The following WWOX variants were observed in gnomAD, a reference collection of about 807,000 sequenced individuals.
The protein encoded by WWOX is WW domain containing oxidoreductase, also known as WW domain-containing oxidoreductase.
A neutral mutation model predicts 46.2 loss-of-function variants in WWOX; 69 were observed. The ratio of observed to expected loss-of-function variants is 1.49; its 90% CI spans 1.23 to 1.82. The LOEUF is 1.82. WWOX is among the 40% of genes most tolerant of loss of function. The probability of loss-of-function intolerance (pLI) is 0.00; values close to 1 mark genes in which losing one functional copy is unlikely to be tolerated. For missense variants in WWOX, 919 were observed against 542.6 expected (o/e 1.69, Z -6.89); for synonymous variants, 359 against 202.6 (o/e 1.77, Z -6.56).
intron 8 of WWOX, among the ~76,000 whole-genome samples, chr16:78,766,444 C>T (rs1039715101): frequency 6.6e-6 from 1 of 152,104 alleles, no homozygotes; most frequent in Non-Finnish European, 1.5e-5. Flanking sequence ...AAAATTTAGC[C>T]GGCTGTCGTG....
chr16:78,296,013 A>G (rs1005578655), intron 5 of WWOX, among the ~76,000 whole-genome samples: 1 of 152,248 alleles, frequency 6.6e-6, no homozygotes, highest in Non-Finnish European at 1.5e-5. Flanking sequence ...GGTCATCACT[A>G]GGGTAGAATC....
intron 4 of WWOX, among the ~76,000 whole-genome samples, chr16:78,132,117 C>G (rs528265049): frequency 6.6e-6 from 1 of 151,234 alleles, no homozygotes; most frequent in East Asian, 2.0e-4. Flanking sequence ...CTCCACCTCC[C>G]GGGTTCACGC....
At chr16:79,016,224 A>T (rs758308685) in intron 8 of WWOX, 1 of 152,148 alleles carries the variant, frequency 6.6e-6, no homozygotes, top group African/African-American at 2.4e-5. Context: ...TTGTACCCCA[A>T]TGAGTACAAT....
chr16:78,362,944 T>C (rs1005098010), intron 5 of WWOX, among the ~76,000 whole-genome samples: 3 of 152,214 alleles, frequency 2.0e-5, no homozygotes, highest in Non-Finnish European at 1.5e-5. Flanking sequence ...CATGGGACAG[T>C]GTCCAGAGGA....
intron 4 of WWOX, among the ~76,000 whole-genome samples, chr16:78,137,802 G>GT (rs145722523): frequency 0.023 from 3,218 of 137,168 alleles, 243 homozygotes; most frequent in African/African-American, 0.083. Context: ...GATAATAAAA[G>GT]TTTTTTGCAA....
intron 4 of WWOX, chr16:78,123,442 T>TTTTTG (rs2033206585): frequency 4.1e-5 from 2 of 48,886 alleles, no homozygotes. Context: ...TTTGTTTTGT[T>TTTTTG]TTTTTTTTTT....
At chr16:78,615,625 C>G (rs1477162815) in intron 8 of WWOX, among the ~76,000 whole-genome samples, 1 of 151,902 alleles carries the variant, frequency 6.6e-6, no homozygotes, top group Non-Finnish European at 1.5e-5. Context: ...CACTGTATTC[C>G]AGTCTGGGCA....
intron 8 of WWOX, among the ~76,000 whole-genome samples, chr16:79,151,299 T>G (rs4459555): frequency 6.6e-6 from 1 of 152,182 alleles, no homozygotes. Flanking sequence ...AAGGCGTTAT[T>G]CTTTGTGGTG....
intron 8 of WWOX, among the ~76,000 whole-genome samples, chr16:78,585,431 C>G (rs560775864): frequency 6.6e-6 from 1 of 152,182 alleles, no homozygotes; most frequent in South Asian, 2.1e-4. Context: ...AGCCTTTGAC[C>G]ACCTCCCAAA....
chr16:79,159,031 G>C (rs2050435250), intron 8 of WWOX, among the ~76,000 whole-genome samples: 4 of 152,176 alleles, frequency 2.6e-5, no homozygotes, highest in South Asian at 4.1e-4. Flanking sequence ...TCCTAAAGCA[G>C]CTCTGAAAAT....
At chr16:78,489,779 T>A (rs2084734239) in intron 8 of WWOX, among the ~76,000 whole-genome samples, 2 of 152,110 alleles carry the variant, frequency 1.3e-5, no homozygotes, top group Admixed American at 6.6e-5. Context: ...TCCTAACATG[T>A]CATCTGAAAT....
At chr16:78,631,286 G>A (rs1000045280) in intron 8 of WWOX, among the ~76,000 whole-genome samples, 1 of 152,022 alleles carries the variant, frequency 6.6e-6, no homozygotes, top group African/African-American at 2.4e-5. Context: ...GATTCTCCGT[G>A]GCTTGTGTCA....
At chr16:78,633,154 C>T (rs553939115) in intron 8 of WWOX, among the ~76,000 whole-genome samples, 18 of 152,028 alleles carry the variant, frequency 1.2e-4, no homozygotes, top group African/African-American at 3.9e-4. Flanking sequence ...CCCAGTTACT[C>T]GGGAGGCTGA....
intron 8 of WWOX, among the ~76,000 whole-genome samples, chr16:78,642,697 C>T (rs927860278): frequency 1.1e-4 from 16 of 152,062 alleles, no homozygotes; most frequent in African/African-American, 3.4e-4. Context: ...CCACCTCGAC[C>T]GCTATGGTAT....
intron 5 of WWOX, among the ~76,000 whole-genome samples, chr16:78,180,586 G>C (rs11863525): frequency 1.5e-4 from 22 of 151,450 alleles, no homozygotes; most frequent in African/African-American, 5.1e-4. Flanking sequence ...AGGGGTATAT[G>C]TTAGGGCTTG....
chr16:78,371,978 G>T (rs1451504085), intron 5 of WWOX, among the ~76,000 whole-genome samples: 1 of 152,180 alleles, frequency 6.6e-6, no homozygotes, highest in African/African-American at 2.4e-5. Context: ...GCTGGAAATA[G>T]ACATGTGAGT....
At chr16:78,647,837 T>G (rs1405119381) in intron 8 of WWOX, among the ~76,000 whole-genome samples, 1 of 152,234 alleles carries the variant, frequency 6.6e-6, no homozygotes, top group African/African-American at 2.4e-5. Context: ...AGTGGAATAT[T>G]TCTGGCTTTG....
intron 8 of WWOX, among the ~76,000 whole-genome samples, chr16:79,166,331 A>C (rs1045375315): frequency 5.9e-5 from 9 of 152,192 alleles, no homozygotes; most frequent in African/African-American, 2.2e-4. Context: ...AGGAGGATGG[A>C]ATTACATTAT....
intron 8 of WWOX, among the ~76,000 whole-genome samples, chr16:79,091,418 A>G (rs954652063): frequency 5.3e-5 from 8 of 152,280 alleles, no homozygotes; most frequent in Admixed American, 4.6e-4. Context: ...AGGCAGTAGC[A>G]ACATATACCA....
Sources: gnomAD v4.1 joint callset for allele counts (sites outside exome capture counted in the v4.1 genomes callset) on GRCh38, gnomAD v4.1.1 for gene constraint, MANE v1.5 for transcripts, NCBI Gene and HGNC (gene_info 2026-07-23, HGNC 2026-07-21) for gene names.